Variants in NT5DC2 observed in about 807,000 individuals in gnomAD.
NT5DC2 encodes 5'-nucleotidase domain containing 2, also known as 5'-nucleotidase domain-containing protein 2.
In NT5DC2, 41 loss-of-function variants were observed where a neutral mutation model predicts 70.0. The observed-to-expected ratio is 0.59, with a 90% CI of 0.46 to 0.76. The LOEUF (loss-of-function observed/expected upper bound fraction) is 0.76, where lower values mean the gene tolerates loss of function less well. Among genes scored for constraint, NT5DC2 ranks in the 30% least tolerant of loss-of-function variants. NT5DC2 has a pLI of 0.00. For synonymous variants in NT5DC2, 299 were observed against 310.4 expected (o/e 0.96, Z 0.39); for missense variants, 705 against 783.2 (o/e 0.90, Z 1.19).
chr3:52,527,906 C>CTCAT lies in NT5DC2; in HGVS notation c.854_857dup (p.Thr287Ter). ...CCAGGCGGCTCAGGACAGCAAACGTCTCATCCCCTCTCAGGATGTACTTCT... is the reference window on the plus strand; with the variant it reads ...CCAGGCGGCTCAGGACAGCAAACGTCTCATTCATCCCCTCTCAGGATGTACTTCT... On this transcript the variant is annotated stop_gained and frameshift_variant, in exon 8 of 14. Coordinates refer to ENST00000422318, the MANE Select transcript of NT5DC2 (RefSeq NM_001134231.2). LOFTEE classifies it high-confidence loss of function. 6.2e-7 allele frequency: 1 copy of CTCAT among 1,613,584 alleles called. No homozygotes were observed. Among genetic ancestry groups the CTCAT allele is most frequent in the Non-Finnish European group, 8.5e-7 (1 of 1,180,036 alleles).
chr3:52,534,282 G>C (rs1408033826), upstream of NT5DC2: 1 of 591,556 alleles, frequency 1.7e-6, no homozygotes, highest in East Asian at 3.0e-5. Context: ...CCTTTCCCGG[G>C]GTCCTGGTCC....
intron 1 of NT5DC2, chr3:52,532,450 G>A (rs150046214): frequency 2.0e-6 from 2 of 985,390 alleles, no homozygotes; most frequent in African/African-American, 1.7e-5. Flanking sequence ...CATTCCTCAG[G>A]GGCCTTTACC....
At chr3:52,524,782 T>C (rs372967437) in intron 13 of NT5DC2, 35 bp downstream of exon 13, 3 of 1,612,432 alleles carry the variant, frequency 1.9e-6, no homozygotes, top group Non-Finnish European at 2.5e-6. Context: ...GGTGGTGGCT[T>C]GGCTGGGACT....
chr3:52,526,021 G>A (rs192092383), intron 10 of NT5DC2: 3 of 151,200 alleles, frequency 2.0e-5, no homozygotes, highest in Admixed American at 6.7e-5. Context: ...AAGAGAAAGA[G>A]TCTCAAAGGG....
At chr3:52,528,999 A>G (rs2079323025) in intron 2 of NT5DC2, 64 bp from the exon 3 acceptor site, 1 of 1,599,338 alleles carries the variant, frequency 6.3e-7, no homozygotes, top group Non-Finnish European at 8.6e-7. Flanking sequence ...CTGGGTGGCC[A>G]CCCCAGGGGG....
At chr3:52,525,330 G>A (rs1280545806) in intron 10 of NT5DC2, 35 bp from the exon 11 acceptor site, 2 of 1,550,502 alleles carry the variant, frequency 1.3e-6, no homozygotes, top group Non-Finnish European at 1.8e-6. Context: ...TGAGCCAAGT[G>A]TGCCTTGTCC....
chr3:52,527,687 C>A lies in NT5DC2; in HGVS notation c.967G>T (p.Asp323Tyr). ...DKGMRHMVGP[D>Y]WRQLFDVVIV... ...ACCACATCGAAGAGCTGGCGCCAATCGGGACCCACCATGTGCCGCATCCCC... is the reference window on the plus strand; with the variant it reads ...ACCACATCGAAGAGCTGGCGCCAATAGGGACCCACCATGTGCCGCATCCCC... Residue 323 changes from aspartate to tyrosine, a missense_variant, in exon 9 of 14, where the codon GAT (aspartate) becomes TAT (tyrosine). Physicochemically the swap from Asp to Tyr is radical, Grantham distance 160 (BLOSUM62 -3). Transcript: ENST00000422318. 1 of 1,613,268 alleles carries A rather than the reference C, an allele frequency of 6.2e-7. No homozygotes were observed.
chr3:52,533,747 G>T lies in NT5DC2; in HGVS notation c.-10C>A. 1.0e-6 allele frequency: 1 copy of T among 972,538 alleles called. No individual in the cohort carries two copies. Among genetic ancestry groups the T allele is most frequent in the African/African-American group, 1.8e-5 (1 of 55,596 alleles). The allele number at this position is 972,538 out of a possible 1,614,324, so 60.2% of individuals were successfully genotyped here. On this transcript the variant is annotated 5_prime_UTR_variant, in exon 1 of 14. Transcript: ENST00000422318. ...GCCCCGCACCCGCCATGCCCACCGC[G>T]CGCCGCCCGCCGCCCGCGCTGCCCT... is the stretch of plus-strand genomic sequence containing the variant.
At position 52,527,676 on chromosome 3, in the gene NT5DC2, C is replaced by G. The variant is rs2079297741; in HGVS notation, c.978G>C (p.Gln326His). Reference sequence around the variant, plus strand: ...CCTGGACAATGACCACATCGAAGAGCTGGCGCCAATCGGGACCCACCATGT... The same window carrying G: ...CCTGGACAATGACCACATCGAAGAGGTGGCGCCAATCGGGACCCACCATGT... ...MRHMVGPDWRQLFDVVIVQAD... is the reference protein window; with the variant it reads ...MRHMVGPDWRHLFDVVIVQAD... The change falls in exon 9 of 14, where the codon CAG (glutamine) becomes CAC (histidine). Residue 326 changes from glutamine (Q) to histidine (H), a missense_variant. By Grantham distance (24) the Gln-to-His change is conservative. Coordinates refer to ENST00000422318, the MANE Select transcript of NT5DC2 (RefSeq NM_001134231.2). 6.2e-7 allele frequency: 1 copy of G among 1,613,162 alleles called. No homozygotes were observed. Among genetic ancestry groups the G allele is most frequent in the African/African-American group, 1.3e-5 (1 of 74,944 alleles).
rs2079390502 is a variant in NT5DC2, at chr3:52,533,649, G to A, written c.89C>T (p.Ser30Phe). 5.1e-6 allele frequency: 6 copies of A among 1,182,310 alleles called. No individual in the cohort carries two copies. The highest frequency in any genetic ancestry group is 4.7e-5 in the Admixed American group (1 of 21,486). 73.2% of individuals were successfully genotyped at this position (1,182,310 alleles called of 1,614,324 possible). A position where few individuals can be genotyped will look rare whatever the true frequency, so the allele number is the denominator to read the frequency against. ...ACCCGGGGGGCCGCACCCAGGGCAG[G>A]AGGGCGAGGACGAGGCGGCTCGCGG... ...GGPRAASSSP[S>F]CPGCGPPGPG... The change falls in exon 1 of 14, where the codon TCC (serine) becomes TTC (phenylalanine). Residue 30 changes from serine to phenylalanine, a missense_variant. Ser to Phe is a radical substitution (Grantham distance 155, BLOSUM62 -2). Transcript: ENST00000422318.
Position 52,531,088 on chromosome 3 carries a change from G to A in NT5DC2, c.233-1754C>T, listed in dbSNP as rs1418296900. Among the ~76,000 whole-genome samples the A allele has an allele frequency of 6.6e-6, 1 of 152,218 alleles. No homozygotes were observed. Among genetic ancestry groups the A allele is most frequent in the African/African-American group, 2.4e-5 (1 of 41,454 alleles). Reference sequence around the variant, plus strand: ...GCTGCACTCAAGAGGCAGACATCTCGCTGATGTGCTCCGTGCCCAGAGCAC... The same window carrying A: ...GCTGCACTCAAGAGGCAGACATCTCACTGATGTGCTCCGTGCCCAGAGCAC... On this transcript the variant is annotated intron_variant, in intron 1 of 13. Coordinates refer to ENST00000422318, the MANE Select transcript of NT5DC2 (RefSeq NM_001134231.2). The surrounding 1 kb of genome is among the most constrained non-coding windows in gnomAD (Gnocchi z 4.1).
At chr3:52,534,434 G>A (rs1005906332), upstream of NT5DC2, 2 of 1,593,534 alleles carry the variant, frequency 1.3e-6, no homozygotes, top group African/African-American at 2.7e-5. Flanking sequence ...CAGGGCAGCC[G>A]ACGTCCGCTA....
chr3:52,532,744 C>G (rs1366065433), intron 1 of NT5DC2, among the ~76,000 whole-genome samples: 1 of 152,034 alleles, frequency 6.6e-6, no homozygotes, highest in South Asian at 2.1e-4. Context: ...GATAGGGTCA[C>G]GACCCAAACC....
intron 10 of NT5DC2, chr3:52,526,259 G>A (rs1360340255): frequency 1.3e-5 from 2 of 152,558 alleles, no homozygotes; most frequent in Non-Finnish European, 2.9e-5. Context: ...GCTGTGGAGA[G>A]TTTGGGTGCG....
chr3:52,533,495 G>A lies in NT5DC2; in HGVS notation c.232+11C>T, dbSNP rs1355710012. The A allele has an allele frequency of 2.0e-6, 3 of 1,496,542 alleles. No homozygotes were observed. The highest frequency in any genetic ancestry group is 1.2e-5 in the South Asian group (1 of 81,180). 92.7% of individuals were successfully genotyped at this position (1,496,542 alleles called of 1,614,324 possible). On this transcript the variant is annotated intron_variant, in intron 1 of 13. Transcript: ENST00000422318. ...GACACCCCGGCGCACGTCCCGCCCC[G>A]GCTCACCCACCGTGCACCAGTCTCC...
At chr3:52,525,477 T>G (rs2079246182) in intron 10 of NT5DC2, 182 bp from the exon 11 acceptor site, 10 of 611,580 alleles carry the variant, frequency 1.6e-5, no homozygotes, top group Non-Finnish European at 2.7e-5. Context: ...GGAAGGGGAT[T>G]CTGCCTGCTG....
At chr3:52,533,931 G>C (rs1448331031), upstream of NT5DC2, 3 of 596,732 alleles carry the variant, frequency 5.0e-6, no homozygotes, top group East Asian at 4.3e-4. Flanking sequence ...CCCGGACCCG[G>C]CGGGGCGGGG....
upstream of NT5DC2, chr3:52,534,281 G>A: frequency 1.7e-6 from 1 of 591,320 alleles, no homozygotes; most frequent in South Asian, 1.9e-5. Flanking sequence ...TCCTTTCCCG[G>A]GGTCCTGGTC....
chr3:52,534,833 C>T, upstream of NT5DC2: 1 of 708,904 alleles, frequency 1.4e-6, no homozygotes, highest in Non-Finnish European at 2.3e-6. Flanking sequence ...TCCACTGAAC[C>T]TTGATTGAAG....
Sources: allele counts gnomAD v4.1 joint callset (sites outside exome capture counted in the v4.1 genomes callset), GRCh38; gene constraint gnomAD v4.1.1; non-coding constraint Gnocchi (gnomAD v3.1); transcripts MANE v1.5; gene names NCBI Gene and HGNC (gene_info 2026-07-23, HGNC 2026-07-21).